The following PRKCA variants were observed in gnomAD, a reference collection of about 807,000 sequenced individuals.
PRKCA encodes the protein protein kinase C alpha type.
PRKCA carries 27 observed loss-of-function variants against 87.0 expected under a neutral mutation model. The observed-to-expected ratio is 0.31, with a 90% CI of 0.23 to 0.43. PRKCA has a LOEUF of 0.43. Ranked by LOEUF, PRKCA falls within the 20% of genes least tolerant of loss-of-function variation. The pLI, the probability that PRKCA is intolerant of heterozygous loss-of-function variation, is 1.00. For synonymous variants in PRKCA, 329 were observed against 311.1 expected (o/e 1.06, Z -0.61); for missense variants, 518 against 852.3 (o/e 0.61, Z 4.88).
In PRKCA at chr17:66,392,162, G is replaced by A. The variant is rs553074525; in HGVS notation, c.205+86035G>A. ...GGAGAATGGTGTGAACCCGGGAGGC[G>A]GAGCTTGCAGTGAGCCGAGGTCATG... On this transcript the variant is annotated intron_variant, in intron 2 of 16. Transcript: ENST00000413366. Among the ~76,000 whole-genome samples the A allele has an allele frequency of 7.2e-5, 11 of 151,918 alleles. No homozygotes were observed. In the South Asian group the frequency reaches 8.3e-4, roughly 12 times the overall value.
chr17:66,377,701 T>TATATATATATA (rs1491432626), intron 2 of PRKCA, among the ~76,000 whole-genome samples: 1 of 77,960 alleles, frequency 1.3e-5, no homozygotes, highest in African/African-American at 5.3e-5. Flanking sequence ...AGTCTATGTT[T>TATATATATATA]TATATATATA....
intron 3 of PRKCA, among the ~76,000 whole-genome samples, chr17:66,537,862 T>C (rs1023657193): frequency 3.3e-5 from 5 of 152,086 alleles, no homozygotes; most frequent in South Asian, 2.1e-4. Flanking sequence ...CTGGAGTGCA[T>C]TGGCATGATC....
chr17:66,581,850 A>G (rs1462673956), intron 3 of PRKCA, among the ~76,000 whole-genome samples: 1 of 152,226 alleles, frequency 6.6e-6, no homozygotes, highest in Non-Finnish European at 1.5e-5. Context: ...AATATGGGCA[A>G]CATGGTTTAA....
chr17:66,329,437 T>C (rs1906191135), intron 2 of PRKCA, among the ~76,000 whole-genome samples: 1 of 152,138 alleles, frequency 6.6e-6, no homozygotes, highest in African/African-American at 2.4e-5. Context: ...CAGCCAGGAC[T>C]GGAGAGTCAT....
intron 2 of PRKCA, among the ~76,000 whole-genome samples, chr17:66,354,554 G>A (rs1343135045): frequency 5.3e-5 from 8 of 152,228 alleles, no homozygotes; most frequent in East Asian, 3.9e-4. Flanking sequence ...TTAAGTTGCC[G>A]TCTAAGGTCC....
chr17:66,370,600 G>C (rs562368640), intron 2 of PRKCA, among the ~76,000 whole-genome samples: 8 of 126,710 alleles, frequency 6.3e-5, no homozygotes, highest in Middle Eastern at 6.2e-3. Flanking sequence ...CGCCCAAGAT[G>C]CGTGTAGTGG....
At chr17:66,538,866 G>A (rs1469030474) in intron 3 of PRKCA, among the ~76,000 whole-genome samples, 1 of 152,156 alleles carries the variant, frequency 6.6e-6, no homozygotes. Flanking sequence ...GAGGACCCAG[G>A]AGGGCCATCC....
At chr17:66,461,851 CACTGGGGTTCCTAACTATCGAGGAGGAG>C (rs1432575485) in intron 2 of PRKCA, among the ~76,000 whole-genome samples, 8,083 of 149,914 alleles carry the variant, frequency 0.054, 800 homozygotes, top group African/African-American at 0.19. Flanking sequence ...GGTGTATAGG[CACTGGGGTTCCTAACTATCGAGGAGGAG>C]ACTGGGGTTC....
rs551267789 is a variant in PRKCA, at chr17:66,749,396, C to T, written c.1524+6636C>T. Among the ~76,000 whole-genome samples the T allele has an allele frequency of 3.3e-4, 50 of 152,136 alleles. 1 individual carries two copies. Among genetic ancestry groups the T allele is most frequent in the Non-Finnish European group, 6.2e-4 (42 of 67,978 alleles). On this transcript the variant is annotated intron_variant, in intron 13 of 16. Coordinates refer to ENST00000413366, the MANE Select transcript of PRKCA (RefSeq NM_002737.3). Reference sequence around the variant, plus strand: ...GGCCAGTTCCTCTTCTTTTTCCTTCCACCCAGCATGTCCCACCCCAGGCAT... The same window carrying T: ...GGCCAGTTCCTCTTCTTTTTCCTTCTACCCAGCATGTCCCACCCCAGGCAT...
At chr17:66,597,859 T>C in intron 3 of PRKCA, among the ~76,000 whole-genome samples, 1 of 72,722 alleles carries the variant, frequency 1.4e-5, no homozygotes, top group Non-Finnish European at 2.5e-5. Flanking sequence ...CATTGCTTGT[T>C]TTTCTCAGGT....
chr17:66,428,685 G>A (rs989911361), intron 2 of PRKCA, among the ~76,000 whole-genome samples: 1 of 151,832 alleles, frequency 6.6e-6, no homozygotes, highest in Non-Finnish European at 1.5e-5. Flanking sequence ...TATATTTTTG[G>A]TAGAGATGGG....
At chr17:66,432,386 C>T (rs1913144950) in intron 2 of PRKCA, among the ~76,000 whole-genome samples, 1 of 152,082 alleles carries the variant, frequency 6.6e-6, no homozygotes, top group Admixed American at 6.5e-5. Context: ...CATTCCCCCA[C>T]CTTTACTTCC....
intron 11 of PRKCA, among the ~76,000 whole-genome samples, chr17:66,739,564 T>C (rs566868293): frequency 6.6e-6 from 1 of 152,242 alleles, no homozygotes; most frequent in Non-Finnish European, 1.5e-5. Context: ...GCTGTAACTT[T>C]AGAGACTTGC....
intron 2 of PRKCA, among the ~76,000 whole-genome samples, chr17:66,464,709 CTGTT>C (rs1356900964): frequency 6.6e-6 from 1 of 152,124 alleles, no homozygotes; most frequent in Admixed American, 6.5e-5. Flanking sequence ...TTTAATTGGG[CTGTT>C]TGTTTTCCTA....
At chr17:66,715,370 CT>C (rs1299898532) in intron 8 of PRKCA, among the ~76,000 whole-genome samples, 1 of 152,168 alleles carries the variant, frequency 6.6e-6, no homozygotes, top group Non-Finnish European at 1.5e-5. Context: ...GAACTCTGCC[CT>C]CGTGTAACTG....
chr17:66,453,241 G>A (rs1310110197), intron 2 of PRKCA, among the ~76,000 whole-genome samples: 1 of 152,160 alleles, frequency 6.6e-6, no homozygotes, highest in Non-Finnish European at 1.5e-5. Context: ...CCCAGGAAAA[G>A]ACTGGGAACT....
chr17:66,461,205 CAAA>C (rs34496253), intron 2 of PRKCA, among the ~76,000 whole-genome samples: 15 of 93,020 alleles, frequency 1.6e-4, no homozygotes, highest in Non-Finnish European at 2.7e-4. Flanking sequence ...GACCCCATCT[CAAA>C]AAAAAAAAAA....
At chr17:66,584,241 C>T (rs530893579) in intron 3 of PRKCA, among the ~76,000 whole-genome samples, 2 of 151,344 alleles carry the variant, frequency 1.3e-5, no homozygotes, top group African/African-American at 2.4e-5. Context: ...TTTGTTTTTT[C>T]GATGGAATCT....
intron 2 of PRKCA, among the ~76,000 whole-genome samples, chr17:66,318,485 T>C (rs1317784241): frequency 6.6e-6 from 1 of 152,172 alleles, no homozygotes; most frequent in Non-Finnish European, 1.5e-5. Flanking sequence ...GTCTGTGTGA[T>C]GCAAATTAAC....
Sources: allele counts gnomAD v4.1 joint callset (sites outside exome capture counted in the v4.1 genomes callset), GRCh38; gene constraint gnomAD v4.1.1; transcripts MANE v1.5; gene names NCBI Gene and HGNC (gene_info 2026-07-23, HGNC 2026-07-21).